SLC38A8: variants seen among roughly 807,000 people sequenced by gnomAD.
The protein encoded by SLC38A8 is amino acid transporter SLC38A8.
A neutral mutation model predicts 46.0 loss-of-function variants in SLC38A8; 65 were observed. The observed-to-expected ratio is 1.41, with a 90% CI of 1.16 to 1.74. SLC38A8 has a LOEUF of 1.74. Ranked by LOEUF, SLC38A8 falls within the 40% of genes most tolerant of loss-of-function variation. SLC38A8 has a pLI of 0.00. For missense variants in SLC38A8, 998 were observed against 567.9 expected, an observed-to-expected ratio of 1.76 and a Z score of -7.70; for synonymous variants, 447 against 243.7, an observed-to-expected ratio of 1.83 and a Z score of -7.77.
chr16:84,029,469 G>T (rs1274125894), intron 6 of SLC38A8, 25 bp downstream of exon 6: 1 of 1,613,314 alleles, frequency 6.2e-7, no homozygotes, highest in Non-Finnish European at 8.5e-7. Context: ...AACGCCACAG[G>T]CTGCAACACA....
At chr16:84,011,569 G>A (rs1250340631) in intron 10 of SLC38A8, among the ~76,000 whole-genome samples, 2 of 152,220 alleles carry the variant, frequency 1.3e-5, no homozygotes, top group Non-Finnish European at 2.9e-5. Context: ...TCTGGGATGG[G>A]GTGAAGGGTG....
intron 6 of SLC38A8, among the ~76,000 whole-genome samples, chr16:84,029,098 G>C (rs1346551379): frequency 6.6e-6 from 1 of 152,138 alleles, no homozygotes; most frequent in African/African-American, 2.4e-5. Context: ...AGTCCACCTG[G>C]GTAAAACTGT....
chr16:84,033,529 C>T, intron 3 of SLC38A8, 60 bp from the exon 4 acceptor site: 1 of 1,504,906 alleles, frequency 6.6e-7, no homozygotes, highest in African/African-American at 1.4e-5. Context: ...TTCTCGGCTC[C>T]CACCTGGCCC....
intron 2 of SLC38A8, among the ~76,000 whole-genome samples, chr16:84,039,110 G>C (rs1196821069): frequency 6.6e-6 from 1 of 152,188 alleles, no homozygotes; most frequent in Non-Finnish European, 1.5e-5. Context: ...AGGAGGCAGA[G>C]ATTGGAGTCC....
Position 84,022,823 on chromosome 16 carries a change from C to G in SLC38A8, c.757G>C (p.Val253Leu), listed in dbSNP as rs2085110603. 2 of 1,613,674 alleles carry G rather than the reference C, an allele frequency of 1.2e-6. No homozygotes were observed. The highest frequency in any genetic ancestry group is 1.7e-6 in the Non-Finnish European group (2 of 1,179,820). Residue 253 changes from valine (V) to leucine (L), a missense_variant, in exon 7 of 11, where the codon GTG becomes CTG. Physicochemically the swap from Val to Leu is conservative, Grantham distance 32 (BLOSUM62 1). Coordinates refer to ENST00000299709, the MANE Select transcript of SLC38A8 (RefSeq NM_001080442.3). ...CAGGCCAGCAAGGACAGCACAGACA[C>G]CAGGGCCCAGTGGGAGAGGCTCCGT... ...RKRSLSHWAL[V>L]SVLSLLACCL...
At chr16:84,037,965 C>T (rs554200806) in intron 2 of SLC38A8, among the ~76,000 whole-genome samples, 1 of 152,106 alleles carries the variant, frequency 6.6e-6, no homozygotes, top group Non-Finnish European at 1.5e-5. Context: ...CACACCACCA[C>T]ACCCAGCTAA....
rs79490100 is a variant in SLC38A8, at chr16:84,013,063, G to C, written c.1163-11C>G. ...AGATGAGGCACAAACCTGCAAAAAA[G>C]ACAGGGTCACCCACAGTTCTTCGTT... On this transcript the variant is annotated splice_polypyrimidine_tract_variant and intron_variant, in intron 9 of 10. Coordinates refer to ENST00000299709, the MANE Select transcript of SLC38A8 (RefSeq NM_001080442.3). The C allele has an allele frequency of 2.2e-5, 35 of 1,613,930 alleles. No homozygotes were observed. Among genetic ancestry groups the C allele is most frequent in the Non-Finnish European group, 2.5e-5 (30 of 1,179,942 alleles).
At chr16:84,029,418 A>T in intron 6 of SLC38A8, 76 bp downstream of exon 6, 2 of 1,506,832 alleles carry the variant, frequency 1.3e-6, no homozygotes, top group Non-Finnish European at 1.8e-6. Flanking sequence ...AGAGAAACCA[A>T]GGTTTCCCAA....
intron 6 of SLC38A8, 74 bp from the exon 7 acceptor site, chr16:84,022,963 C>G: frequency 1.9e-6 from 2 of 1,072,382 alleles, no homozygotes; most frequent in Non-Finnish European, 2.6e-6. Context: ...AACTCATATC[C>G]AAAAGGCGGG....
intron 2 of SLC38A8, chr16:84,040,015 T>C (rs1386901750): frequency 6.6e-6 from 1 of 152,256 alleles, no homozygotes; most frequent in Non-Finnish European, 1.5e-5. Flanking sequence ...TCAGGTGCGT[T>C]CAAGGTGGTA....
In SLC38A8 at chr16:84,036,978, A is replaced by G. The variant is rs2085307979; in HGVS notation, c.190-78T>C. On this transcript the variant is annotated intron_variant, in intron 2 of 10. Transcript: ENST00000299709. The stretch of plus-strand genomic sequence containing the variant: ...CCCCAGCCAGCCACCCCTCGGGCAC[A>G]CTCTCCACATGGCTTCTCATCCACA... 4 of 1,388,186 alleles carry G rather than the reference A, an allele frequency of 2.9e-6. No individual in the cohort carries two copies. In the South Asian group the frequency reaches 5.1e-5, roughly 18 times the overall value. The allele number at this position is 1,388,186 out of a possible 1,614,324, so 86.0% of individuals were successfully genotyped here.
intron 6 of SLC38A8, among the ~76,000 whole-genome samples, chr16:84,026,874 C>T (rs946872441): frequency 3.9e-5 from 6 of 152,068 alleles, no homozygotes; most frequent in African/African-American, 1.4e-4. Flanking sequence ...GAGCTGCGGG[C>T]AGAGGTGGAG....
chr16:84,022,001 C>G (rs780200627), intron 7 of SLC38A8, among the ~76,000 whole-genome samples: 1 of 152,216 alleles, frequency 6.6e-6, no homozygotes, highest in Non-Finnish European at 1.5e-5. Flanking sequence ...TCCACTAATC[C>G]ATGAATAGAT....
chr16:84,032,011 G>C, intron 4 of SLC38A8, 43 bp from the exon 5 acceptor site: 1 of 1,545,942 alleles, frequency 6.5e-7, no homozygotes, highest in South Asian at 1.1e-5. Flanking sequence ...TGGGTGACAT[G>C]TGCGGTTGAT....
At chr16:84,026,869 G>T (rs546724251) in intron 6 of SLC38A8, among the ~76,000 whole-genome samples, 1 of 152,180 alleles carries the variant, frequency 6.6e-6, no homozygotes, top group African/African-American at 2.4e-5. Flanking sequence ...TGCAAGAGCT[G>T]CGGGCAGAGG....
At chr16:84,013,424 G>GTTTTTTTT (rs1221293803) in intron 9 of SLC38A8, among the ~76,000 whole-genome samples, 31 of 64,042 alleles carry the variant, frequency 4.8e-4, no homozygotes, top group South Asian at 1.2e-3. Context: ...TTGTGTGTGT[G>GTTTTTTTT]TTTTTTTTTT....
chr16:84,014,165 C>A (rs967608931), intron 9 of SLC38A8, among the ~76,000 whole-genome samples: 5 of 151,884 alleles, frequency 3.3e-5, no homozygotes, highest in Non-Finnish European at 5.9e-5. Context: ...TGGCCACACC[C>A]CTCACCTCTG....
intron 10 of SLC38A8, among the ~76,000 whole-genome samples, chr16:84,011,540 T>C (rs1046740167): frequency 5.3e-5 from 8 of 152,202 alleles, no homozygotes; most frequent in Non-Finnish European, 1.0e-4. Context: ...AAATTCACGA[T>C]TGCTGCCATT....
intron 9 of SLC38A8, among the ~76,000 whole-genome samples, chr16:84,014,813 C>G (rs1378238843): frequency 3.9e-5 from 6 of 152,208 alleles, no homozygotes; most frequent in African/African-American, 1.4e-4. Flanking sequence ...TTTCATATTC[C>G]ACACATCAGT....
Sources: allele counts gnomAD v4.1 joint callset (sites outside exome capture counted in the v4.1 genomes callset), GRCh38; gene constraint gnomAD v4.1.1; transcripts MANE v1.5; gene names NCBI Gene and HGNC (gene_info 2026-07-23, HGNC 2026-07-21).